Variants in HS3ST4 observed in about 807,000 individuals in gnomAD.
The protein encoded by HS3ST4 is heparan sulfate-glucosamine 3-sulfotransferase 4.
A neutral mutation model predicts 29.2 loss-of-function variants in HS3ST4; 17 were observed. That is an observed-to-expected ratio of 0.58 (90% CI 0.40 to 0.87). The LOEUF is 0.87. Ranked by LOEUF, HS3ST4 falls within the 40% of genes least tolerant of loss-of-function variation. The pLI, the probability that HS3ST4 is intolerant of heterozygous loss-of-function variation, is 0.00. For synonymous variants in HS3ST4, 314 were observed against 285.7 expected (o/e 1.10, Z -1.00); for missense variants, 627 against 634.5 (o/e 0.99, Z 0.13).
At chr16:25,854,227 A>G (rs1361300482) in intron 1 of HS3ST4, among the ~76,000 whole-genome samples, 1 of 152,016 alleles carries the variant, frequency 6.6e-6, no homozygotes, top group Non-Finnish European at 1.5e-5. Context: ...CCTCCCGAGT[A>G]GCTGGGACGA....
intron 1 of HS3ST4, among the ~76,000 whole-genome samples, chr16:25,705,149 AAATTACCT>A (rs567364085): frequency 5.5e-4 from 84 of 152,186 alleles, no homozygotes; most frequent in African/African-American, 1.9e-3. Flanking sequence ...TGTATTATCA[AAATTACCT>A]AATTGCCATA....
At chr16:26,083,560 C>T (rs890176356) in intron 1 of HS3ST4, among the ~76,000 whole-genome samples, 1 of 152,138 alleles carries the variant, frequency 6.6e-6, no homozygotes, top group African/African-American at 2.4e-5. Context: ...CTACTCAATT[C>T]TTCTGGTGTA....
At chr16:25,797,170 C>T (rs964992702) in intron 1 of HS3ST4, among the ~76,000 whole-genome samples, 4 of 152,164 alleles carry the variant, frequency 2.6e-5, no homozygotes, top group Non-Finnish European at 4.4e-5. Context: ...GCCATTGTTT[C>T]GAATTTGAGA....
At chr16:26,095,749 C>T (rs1162745718) in intron 1 of HS3ST4, among the ~76,000 whole-genome samples, 2 of 152,014 alleles carry the variant, frequency 1.3e-5, no homozygotes, top group Non-Finnish European at 2.9e-5. Flanking sequence ...TAGCAGAAGG[C>T]AAGAAATAAC....
intron 1 of HS3ST4, among the ~76,000 whole-genome samples, chr16:25,919,925 T>G (rs1052902475): frequency 1.3e-5 from 2 of 152,084 alleles, no homozygotes; most frequent in African/African-American, 4.8e-5. Context: ...GAAGCTTGGA[T>G]TTACAGGGGG....
intron 1 of HS3ST4, among the ~76,000 whole-genome samples, chr16:25,764,853 A>G (rs1216974394): frequency 2.0e-5 from 3 of 152,252 alleles, no homozygotes; most frequent in Non-Finnish European, 2.9e-5. Flanking sequence ...AGATCAGAAA[A>G]TAATTCAGCT....
intron 1 of HS3ST4, among the ~76,000 whole-genome samples, chr16:26,029,362 A>T (rs1352424765): frequency 6.6e-6 from 1 of 151,934 alleles, no homozygotes; most frequent in South Asian, 2.1e-4. Flanking sequence ...CCATCTTAAA[A>T]TTCTTAATAA....
At chr16:26,032,755 G>C (rs1294650476) in intron 1 of HS3ST4, 1 of 1,130,208 alleles carries the variant, frequency 8.8e-7, no homozygotes, top group East Asian at 2.3e-5. Context: ...TCTGTGGTTC[G>C]TCCTTCACCT....
chr16:26,069,317 G>A (rs940721682), intron 1 of HS3ST4, among the ~76,000 whole-genome samples: 6 of 152,184 alleles, frequency 3.9e-5, no homozygotes, highest in African/African-American at 1.4e-4. Flanking sequence ...TCTACACCTT[G>A]TAAATCTGGG....
chr16:25,707,441 T>C (rs773013599), intron 1 of HS3ST4, among the ~76,000 whole-genome samples: 2 of 152,170 alleles, frequency 1.3e-5, no homozygotes, highest in Non-Finnish European at 2.9e-5. Flanking sequence ...TAACATAATA[T>C]CTATAGGGTT....
At chr16:25,871,516 T>C (rs1161878783) in intron 1 of HS3ST4, among the ~76,000 whole-genome samples, 1 of 152,172 alleles carries the variant, frequency 6.6e-6, no homozygotes, top group Admixed American at 6.5e-5. Context: ...TAAAAAATAA[T>C]AACATATATA....
At chr16:26,043,814 TAATTGGTCCCCA>T (rs981822197) in intron 1 of HS3ST4, among the ~76,000 whole-genome samples, 3 of 152,202 alleles carry the variant, frequency 2.0e-5, no homozygotes, top group African/African-American at 7.2e-5. Context: ...CTTCCATGAT[TAATTGGTCCCCA>T]AATTGTGCCA....
intron 1 of HS3ST4, among the ~76,000 whole-genome samples, chr16:25,914,195 A>AGT (rs1199973853): frequency 8.2e-6 from 1 of 122,444 alleles, no homozygotes; most frequent in Admixed American, 8.0e-5. Flanking sequence ...GTGTGTGTGG[A>AGT]GTGTGTGTGT....
intron 1 of HS3ST4, among the ~76,000 whole-genome samples, chr16:26,022,744 C>G (rs966082901): frequency 2.2e-4 from 34 of 151,234 alleles, no homozygotes; most frequent in Non-Finnish European, 4.3e-4. Context: ...TCCTGGGCTG[C>G]TCAAGTAATC....
intron 1 of HS3ST4, among the ~76,000 whole-genome samples, chr16:25,980,212 A>G (rs140730430): frequency 1.1e-4 from 17 of 152,308 alleles, no homozygotes; most frequent in African/African-American, 2.9e-4. Flanking sequence ...CCCTGTGTGC[A>G]GCTTCATCTG....
chr16:25,892,963 A>C lies in HS3ST4; in HGVS notation c.734+199812A>C, dbSNP rs372782005. Among the ~76,000 whole-genome samples, 5 of 152,348 alleles carry C rather than the reference A, an allele frequency of 3.3e-5. No individual in the cohort carries two copies. The South Asian group carries it at 1.0e-3, about 32-fold the overall frequency. ...AAGCAGATGTATAATTTTAGTTGAT[A>C]GTATAATAAAGAGAATAGATTTGGG... On this transcript the variant is annotated intron_variant, in intron 1 of 1. Transcript: ENST00000331351.
At chr16:25,924,340 G>A (rs1968383050) in intron 1 of HS3ST4, among the ~76,000 whole-genome samples, 1 of 152,016 alleles carries the variant, frequency 6.6e-6, no homozygotes, top group Non-Finnish European at 1.5e-5. Context: ...CTCTCGTTTT[G>A]AAGATGGAAA....
At chr16:25,838,329 T>G (rs1454894802) in intron 1 of HS3ST4, among the ~76,000 whole-genome samples, 2 of 152,122 alleles carry the variant, frequency 1.3e-5, no homozygotes, top group African/African-American at 4.8e-5. Context: ...CCCGATTCAT[T>G]CTCTTTATTG....
intron 1 of HS3ST4, among the ~76,000 whole-genome samples, chr16:26,085,109 G>C (rs1001137743): frequency 6.6e-6 from 1 of 152,142 alleles, no homozygotes. Context: ...TTGCTCAACC[G>C]GCTTTCTGGA....
Sources: gnomAD v4.1 joint callset for allele counts (sites outside exome capture counted in the v4.1 genomes callset) on GRCh38, gnomAD v4.1.1 for gene constraint, MANE v1.5 for transcripts, NCBI Gene and HGNC (gene_info 2026-07-23, HGNC 2026-07-21) for gene names.